ACACB: variants seen among roughly 807,000 people sequenced by gnomAD.
ACACB encodes the protein acetyl-CoA carboxylase beta.
Under a neutral mutation model 278.8 loss-of-function variants are expected in ACACB, and 209 were observed. The ratio of observed to expected loss-of-function variants is 0.75; its 90% CI spans 0.67 to 0.84. The LOEUF (loss-of-function observed/expected upper bound fraction) is 0.84. Among genes scored for constraint, ACACB ranks in the 40% least tolerant of loss-of-function variants. ACACB has a pLI of 0.00. For synonymous variants in ACACB, 1,174 were observed against 1,285.6 expected, an observed-to-expected ratio of 0.91 and a Z score of 1.86; for missense variants, 2,850 against 3,269.0, an observed-to-expected ratio of 0.87 and a Z score of 3.13.
intron 21 of ACACB, among the ~76,000 whole-genome samples, chr12:109,210,329 ATGTATATACACGCACACACATATCTG>A (rs201208426): frequency 0.096 from 11,557 of 120,580 alleles, 1,863 homozygotes; most frequent in East Asian, 0.23. Context: ...CTGTGTATAT[ATGTATATACACGCACACACATATCTG>A]TGTATATATG....
chr12:109,203,876 A>T (rs2045412349), intron 19 of ACACB, among the ~76,000 whole-genome samples: 1 of 152,210 alleles, frequency 6.6e-6, no homozygotes, highest in Non-Finnish European at 1.5e-5. Context: ...GTGCTCAGAA[A>T]TAACAAGTCT....
chr12:109,266,909 T>C lies in ACACB; in HGVS notation c.*547T>C, dbSNP rs2047532989. The C allele has an allele frequency of 6.6e-6, 1 of 150,692 alleles. No individual in the cohort carries two copies. Among genetic ancestry groups the C allele is most frequent in the Non-Finnish European group, 1.5e-5 (1 of 67,604 alleles). 9.3% of individuals were successfully genotyped at this position (150,692 alleles called of 1,614,324 possible). A position where few individuals can be genotyped will look rare whatever the true frequency, so the allele number is the denominator to read the frequency against. ...CCCAGAAAAATGTATGGATGAATTT[T>C]TTTTTTTTTTTTTGAGACAAAGTCT... On this transcript the variant is annotated 3_prime_UTR_variant, in exon 53 of 53. Transcript: ENST00000338432.
chr12:109,143,024 A>C (rs1178931874), intron 2 of ACACB, among the ~76,000 whole-genome samples: 1 of 152,158 alleles, frequency 6.6e-6, no homozygotes, highest in Non-Finnish European at 1.5e-5. Flanking sequence ...GGATCTTGGA[A>C]AGGCAGTGAA....
chr12:109,162,531 C>T lies in ACACB; in HGVS notation c.654-4330C>T, dbSNP rs554794863. On this transcript the variant is annotated intron_variant, in intron 2 of 52. Coordinates refer to ENST00000338432, the MANE Select transcript of ACACB (RefSeq NM_001093.4). ...CTCCTGCGGCAGGGGCTGTCCACTT[C>T]GACCCCAACAGAAGGCAGCAGTTCA... Among the ~76,000 whole-genome samples, 1,455 of 152,220 alleles carry T rather than the reference C, an allele frequency of 9.6e-3. 5 individuals are homozygous for T. The highest frequency in any genetic ancestry group is 0.017 in the Middle Eastern group (5 of 294).
intron 49 of ACACB, among the ~76,000 whole-genome samples, chr12:109,262,858 C>T (rs1402080149): frequency 6.7e-6 from 1 of 150,090 alleles, no homozygotes; most frequent in African/African-American, 2.4e-5. Flanking sequence ...CTCAAGCAAT[C>T]CACCTACCTC....
rs527512063 is a variant in ACACB at position 109,166,878 on chromosome 12, T to C, written c.671T>C (p.Leu224Pro). The change falls in exon 3 of 53, where the codon CTC (leucine) becomes CCC (proline). Residue 224 changes from leucine (L) to proline (P), a missense_variant. Leu to Pro is a moderately conservative substitution (Grantham distance 98). This residue lies in a region of ACACB where 2,265 missense variants were observed against 2,561.3 expected (regional missense o/e 0.88). Transcript: ENST00000338432. ...VPTMRPSMSG[L>P]HLVKRGREHK... ...TTCTGCAGGCCGAGCATGTCGGGAC[T>C]CCACCTGGTGAAGAGGGGACGGGAA... 1.2e-6 allele frequency: 2 copies of C among 1,613,980 alleles called. No homozygotes were observed. Among genetic ancestry groups the C allele is most frequent in the Non-Finnish European group, 1.7e-6 (2 of 1,180,018 alleles).
chr12:109,152,863 T>C (rs1276794430), intron 2 of ACACB, among the ~76,000 whole-genome samples: 1 of 152,082 alleles, frequency 6.6e-6, no homozygotes, highest in Non-Finnish European at 1.5e-5. Context: ...AGGTTGGTCT[T>C]GAACTGCTGG....
intron 45 of ACACB, among the ~76,000 whole-genome samples, chr12:109,257,852 T>C (rs2047269991): frequency 6.6e-6 from 1 of 152,230 alleles, no homozygotes. Context: ...ATTACAGGCA[T>C]AAGCCACCAT....
Position 109,266,475 on chromosome 12 carries a change from G to A in ACACB, c.*113G>A. On this transcript the variant is annotated 3_prime_UTR_variant, in exon 53 of 53. Coordinates refer to ENST00000338432, the MANE Select transcript of ACACB (RefSeq NM_001093.4). ...TTGCTTTTAAACAAAGAAAATCCTG[G>A]GCACTTCTGCAGGGCTGCTGGTTCC... is the stretch of plus-strand genomic sequence containing the variant. 2 of 1,344,768 alleles carry A rather than the reference G, an allele frequency of 1.5e-6. No homozygotes were observed. The highest frequency in any genetic ancestry group is 2.0e-6 in the Non-Finnish European group (2 of 1,022,606). The allele number at this position is 1,344,768 out of a possible 1,614,324, so 83.3% of individuals were successfully genotyped here.
intron 21 of ACACB, among the ~76,000 whole-genome samples, chr12:109,209,849 G>A (rs1356171736): frequency 3.1e-4 from 42 of 137,478 alleles, no homozygotes; most frequent in Admixed American, 3.6e-4. Context: ...ACACACGTGT[G>A]TATATATGTA....
intron 37 of ACACB, among the ~76,000 whole-genome samples, chr12:109,243,847 T>C (rs1312478861): frequency 6.6e-6 from 1 of 151,204 alleles, no homozygotes; most frequent in African/African-American, 2.4e-5. Context: ...TGAATGTCTC[T>C]TCATTTTCCA....
chr12:109,119,534 G>A (rs1302146239), intron 1 of ACACB, among the ~76,000 whole-genome samples: 1 of 149,822 alleles, frequency 6.7e-6, no homozygotes, highest in African/African-American at 2.5e-5. Flanking sequence ...AGCTTGCCGT[G>A]AACCGAGATG....
chr12:109,200,532 A>G (rs576249997), intron 18 of ACACB, among the ~76,000 whole-genome samples: 7 of 152,298 alleles, frequency 4.6e-5, no homozygotes, highest in African/African-American at 1.7e-4. Flanking sequence ...ATTAAATATT[A>G]AATATTGACC....
At chr12:109,140,254 C>A (rs897082478) in intron 2 of ACACB, among the ~76,000 whole-genome samples, 196 bp downstream of exon 2, 1 of 129,830 alleles carries the variant, frequency 7.7e-6, no homozygotes. Flanking sequence ...TTCCTTCCTT[C>A]CATCCTTCCT....
At chr12:109,242,364 G>T (rs1162954405) in intron 36 of ACACB, 73 bp from the exon 37 acceptor site, 21 of 1,523,380 alleles carry the variant, frequency 1.4e-5, no homozygotes, top group Non-Finnish European at 1.8e-5. Flanking sequence ...TTTCATTGAG[G>T]ACTGGGCAGA....
At chr12:109,236,877 A>G (rs1428883631) in intron 33 of ACACB, among the ~76,000 whole-genome samples, 1 of 151,838 alleles carries the variant, frequency 6.6e-6, no homozygotes, top group African/African-American at 2.4e-5. Context: ...CAGCCTGGTC[A>G]CGCTGGCAGG....
intron 27 of ACACB, among the ~76,000 whole-genome samples, chr12:109,226,314 A>G (rs1193111185): frequency 6.6e-6 from 1 of 152,150 alleles, no homozygotes; most frequent in African/African-American, 2.4e-5. Context: ...AGCTTGTGTT[A>G]TATTTCTGTT....
chr12:109,197,261 G>T (rs1398326338), intron 17 of ACACB, 108 bp downstream of exon 17: 2 of 1,402,934 alleles, frequency 1.4e-6, no homozygotes, highest in Non-Finnish European at 1.9e-6. Flanking sequence ...TCTTAGAGAA[G>T]GTGCCTTTCT....
chr12:109,244,810 TTATC>T (rs754223935), intron 37 of ACACB, among the ~76,000 whole-genome samples: 21 of 152,062 alleles, frequency 1.4e-4, no homozygotes, highest in African/African-American at 3.4e-4. Flanking sequence ...ATCTATCTAT[TTATC>T]TATCTATCTA....
Sources: allele counts gnomAD v4.1 joint callset (sites outside exome capture counted in the v4.1 genomes callset), GRCh38; gene constraint gnomAD v4.1.1; regional missense constraint gnomAD v4.1.1; transcripts MANE v1.5; gene names NCBI Gene and HGNC (gene_info 2026-07-23, HGNC 2026-07-21).